Variants in CORIN observed in about 807,000 individuals in gnomAD.
CORIN encodes the protein atrial natriuretic peptide-converting enzyme.
CORIN carries 117 observed loss-of-function variants against 125.3 expected under a neutral mutation model. The ratio of observed to expected loss-of-function variants is 0.93; its 90% confidence interval spans 0.80 to 1.09. CORIN has a LOEUF of 1.09. Ranked by LOEUF, CORIN falls within the 50% of genes least tolerant of loss-of-function variation. The pLI is 0.00. For missense variants in CORIN, 1,253 were observed against 1,306.7 expected (o/e 0.96, Z 0.63); for synonymous variants, 450 against 466.4 (o/e 0.96, Z 0.45).
chr4:47,656,427 A>G (rs1028511765), intron 12 of CORIN, among the ~76,000 whole-genome samples: 3 of 152,212 alleles, frequency 2.0e-5, no homozygotes, highest in African/African-American at 7.2e-5. Flanking sequence ...AAGTCCTGGC[A>G]AGACAGGCAT....
intron 1 of CORIN, among the ~76,000 whole-genome samples, chr4:47,816,253 C>G (rs1732262813): frequency 6.6e-6 from 1 of 152,290 alleles, no homozygotes; most frequent in Admixed American, 6.5e-5. Context: ...GATGAAGCAG[C>G]AATTTCTTTC....
At chr4:47,760,827 A>G (rs1046732107) in intron 4 of CORIN, among the ~76,000 whole-genome samples, 9 of 152,218 alleles carry the variant, frequency 5.9e-5, no homozygotes, top group African/African-American at 9.6e-5. Context: ...GATCTTAGCT[A>G]AATCTTCTAG....
At chr4:47,760,173 T>A (rs1436626604) in intron 4 of CORIN, among the ~76,000 whole-genome samples, 1 of 152,234 alleles carries the variant, frequency 6.6e-6, no homozygotes, top group African/African-American at 2.4e-5. Flanking sequence ...AATTATTCCC[T>A]GATTAATGGG....
At chr4:47,798,638 A>G (rs989698274) in intron 2 of CORIN, among the ~76,000 whole-genome samples, 12 of 152,348 alleles carry the variant, frequency 7.9e-5, no homozygotes, top group African/African-American at 2.9e-4. Flanking sequence ...ATATGGCTAT[A>G]TTAAATCATC....
intron 5 of CORIN, among the ~76,000 whole-genome samples, chr4:47,712,045 T>G (rs1355116156): frequency 6.6e-6 from 1 of 152,214 alleles, no homozygotes; most frequent in Non-Finnish European, 1.5e-5. Context: ...AGCTGAAATC[T>G]TCCTGGAATT....
At chr4:47,697,229 T>C (rs1726058658) in intron 5 of CORIN, among the ~76,000 whole-genome samples, 2 of 152,168 alleles carry the variant, frequency 1.3e-5, no homozygotes, top group African/African-American at 4.8e-5. Flanking sequence ...AATAGATTGG[T>C]AAAAGGATTG....
chr4:47,664,296 C>A (rs1189614279), intron 11 of CORIN, among the ~76,000 whole-genome samples: 1 of 152,216 alleles, frequency 6.6e-6, no homozygotes, highest in African/African-American at 2.4e-5. Flanking sequence ...ATTGTCCATT[C>A]AGGGTTCATT....
chr4:47,745,893 T>C (rs997679195), intron 4 of CORIN, among the ~76,000 whole-genome samples: 1 of 152,232 alleles, frequency 6.6e-6, no homozygotes, highest in African/African-American at 2.4e-5. Context: ...ATATCTTACC[T>C]TCCTCTCAGA....
chr4:47,748,948 C>T (rs6822826), intron 4 of CORIN, among the ~76,000 whole-genome samples: 1 of 152,100 alleles, frequency 6.6e-6, no homozygotes, highest in African/African-American at 2.4e-5. Context: ...AGAACCAGGA[C>T]ATTAGCATTG....
At chr4:47,795,276 C>A (rs1731244647) in intron 2 of CORIN, among the ~76,000 whole-genome samples, 1 of 152,006 alleles carries the variant, frequency 6.6e-6, no homozygotes, top group South Asian at 2.1e-4. Context: ...TATTTGGGAT[C>A]TTTTGTGGCT....
At chr4:47,626,317 T>C (rs761339197) in intron 17 of CORIN, 88 bp downstream of exon 17, 4 of 823,490 alleles carry the variant, frequency 4.9e-6, no homozygotes, top group Non-Finnish European at 8.4e-6. Flanking sequence ...ATTTGGATTA[T>C]CTTAAGTTAA....
At chr4:47,615,293 AG>A (rs1384168341) in intron 19 of CORIN, among the ~76,000 whole-genome samples, 1 of 152,186 alleles carries the variant, frequency 6.6e-6, no homozygotes, top group Non-Finnish European at 1.5e-5. Context: ...GGTTTTAAGC[AG>A]GGGAGTGACA....
At chr4:47,604,626 A>G (rs1271033121) in intron 19 of CORIN, among the ~76,000 whole-genome samples, 3 of 152,114 alleles carry the variant, frequency 2.0e-5, no homozygotes, top group African/African-American at 4.8e-5. Context: ...TACACCCAAC[A>G]CTGAATGCAT....
Position 47,804,947 on chromosome 4 carries a change from T to C in CORIN, c.208+1956A>G, listed in dbSNP as rs182434898. Among the ~76,000 whole-genome samples the C allele has an allele frequency of 2.6e-5, 4 of 151,610 alleles. No homozygotes were observed. In the East Asian group the frequency reaches 7.8e-4, roughly 30 times the overall value. ...GTCAGGAGATCGAGACCATCCTGAC[T>C]AACACAGTGAAACCCTGTTTCTACT... On this transcript the variant is annotated intron_variant, in intron 2 of 21. Transcript: ENST00000273857.
chr4:47,813,924 C>A (rs1732158410), intron 1 of CORIN, among the ~76,000 whole-genome samples: 1 of 152,022 alleles, frequency 6.6e-6, no homozygotes, highest in Admixed American at 6.6e-5. Context: ...TGTTCTCAAA[C>A]CAAAATGAGA....
intron 5 of CORIN, among the ~76,000 whole-genome samples, chr4:47,733,500 C>CA (rs1464940527): frequency 6.6e-6 from 1 of 152,070 alleles, no homozygotes; most frequent in East Asian, 1.9e-4. Context: ...CTAGGCAGAG[C>CA]AAATAAGGTG....
chr4:47,731,403 T>C (rs1215729255), intron 5 of CORIN, among the ~76,000 whole-genome samples: 1 of 152,124 alleles, frequency 6.6e-6, no homozygotes, highest in Non-Finnish European at 1.5e-5. Flanking sequence ...TTTAAAGCCA[T>C]GAGCCTGAAT....
At chr4:47,657,765 G>C (rs1220114808) in intron 12 of CORIN, among the ~76,000 whole-genome samples, 1 of 151,920 alleles carries the variant, frequency 6.6e-6, no homozygotes, top group African/African-American at 2.4e-5. Context: ...ACCATGACCA[G>C]ATCTCCTGTG....
intron 7 of CORIN, chr4:47,682,363 GC>G (rs1725326157): frequency 6.7e-6 from 1 of 149,846 alleles, no homozygotes; most frequent in Admixed American, 6.7e-5. Flanking sequence ...AATCACTTGA[GC>G]CCGGGAGGCG....
Sources: gnomAD v4.1 joint callset for allele counts (sites outside exome capture counted in the v4.1 genomes callset) on GRCh38, gnomAD v4.1.1 for gene constraint, MANE v1.5 for transcripts, NCBI Gene and HGNC (gene_info 2026-07-23, HGNC 2026-07-21) for gene names.